TENM2: variants seen among roughly 807,000 people sequenced by gnomAD.
The protein encoded by TENM2 is teneurin-2.
In TENM2, 52 loss-of-function variants were observed where a neutral mutation model predicts 245.2. The observed-to-expected ratio is 0.21, with a 90% CI of 0.17 to 0.27. The LOEUF is 0.27. Among genes scored for constraint, TENM2 ranks in the 10% least tolerant of loss-of-function variants. The probability of loss-of-function intolerance (pLI) is 1.00; values close to 1 mark genes in which losing one functional copy is unlikely to be tolerated. For synonymous variants in TENM2, 1,363 were observed against 1,438.9 expected (o/e 0.95, Z 1.19); for missense variants, 3,046 against 3,666.8 (o/e 0.83, Z 4.37).
chr5:168,034,053 A>G (rs1268789398), intron 5 of TENM2, among the ~76,000 whole-genome samples: 1 of 146,670 alleles, frequency 6.8e-6, no homozygotes, highest in Non-Finnish European at 1.5e-5. Flanking sequence ...GTGTGTGTAT[A>G]TATATATATA....
intron 2 of TENM2, among the ~76,000 whole-genome samples, chr5:167,676,601 G>A (rs1756347002): frequency 6.6e-6 from 1 of 152,090 alleles, no homozygotes. Flanking sequence ...TCACGGTTAA[G>A]GGGTTTCATT....
At chr5:167,645,830 A>T (rs996658760) in intron 2 of TENM2, among the ~76,000 whole-genome samples, 5 of 151,978 alleles carry the variant, frequency 3.3e-5, no homozygotes, top group Non-Finnish European at 5.9e-5. Flanking sequence ...AGGCAAATAT[A>T]TACACACACC....
intron 4 of TENM2, among the ~76,000 whole-genome samples, chr5:167,970,441 A>C (rs1461555222): frequency 6.6e-6 from 1 of 152,254 alleles, no homozygotes; most frequent in African/African-American, 2.4e-5. Flanking sequence ...ATGAGGGCTC[A>C]TGATGAGAAA....
At chr5:167,813,936 A>G (rs1055238689) in intron 2 of TENM2, among the ~76,000 whole-genome samples, 2 of 152,126 alleles carry the variant, frequency 1.3e-5, no homozygotes, top group East Asian at 3.9e-4. Context: ...TAGGGACGGG[A>G]GCATGGGCAT....
intron 4 of TENM2, among the ~76,000 whole-genome samples, chr5:167,959,994 C>T (rs969155315): frequency 6.6e-6 from 1 of 152,206 alleles, no homozygotes; most frequent in Non-Finnish European, 1.5e-5. Flanking sequence ...GTCCACTCCA[C>T]ACCCTATTTG....
intron 2 of TENM2, among the ~76,000 whole-genome samples, chr5:167,769,432 A>T (rs1330636928): frequency 6.6e-6 from 1 of 152,202 alleles, no homozygotes; most frequent in Non-Finnish European, 1.5e-5. Flanking sequence ...TTGGCTAATG[A>T]TAATTTCTGT....
exon 27 of TENM2, chr5:168,248,108 A>G: frequency 6.2e-7 from 1 of 1,614,008 alleles, no homozygotes; most frequent in Non-Finnish European, 8.5e-7. Flanking sequence ...AAACAGCTGC[A>G]GTACACGGCC....
At chr5:167,044,017 T>C in the TENM2 span, among the ~76,000 whole-genome samples, 1 of 114,256 alleles carries the variant, frequency 8.8e-6, no homozygotes, top group East Asian at 2.4e-4. Context: ...AGACTGCATC[T>C]CAAATAAATA....
At position 168,244,640 on chromosome 5, in the gene TENM2, A is replaced by C; in HGVS notation, c.5741A>C (p.Asp1914Ala). The C allele has an allele frequency of 6.4e-7, 1 of 1,571,026 alleles. No individual in the cohort carries two copies. Residue 1914 changes from aspartate (D) to alanine (A), a missense_variant, in exon 26 of 29, where the codon GAC becomes GCC. Physicochemically the swap from Asp to Ala is moderately radical, Grantham distance 126. Around this residue, in one of 2 missense-constraint regions of TENM2, gnomAD observed 2,704 missense variants for 3,331.9 expected, o/e 0.81. Coordinates refer to ENST00000518659, the Ensembl canonical transcript of TENM2. The surrounding 1 kb of genome is among the most constrained non-coding windows in gnomAD (Gnocchi z 4.9). ...CGTGGGGCCATGAGCGAGAGGACAG[A>C]CATCGACAAGCAAGGCCGCATCGTG...
the TENM2 span, among the ~76,000 whole-genome samples, chr5:166,998,365 G>A: frequency 6.6e-6 from 1 of 152,140 alleles, no homozygotes; most frequent in African/African-American, 2.4e-5. Flanking sequence ...GCATAGGAAT[G>A]CCATGATTGT....
chr5:167,435,975 CTTTTTTTTTTTTTTTTTTTT>C (rs1166276249), intron 2 of TENM2, among the ~76,000 whole-genome samples: 1 of 83,138 alleles, frequency 1.2e-5, no homozygotes, highest in Non-Finnish European at 2.5e-5. Flanking sequence ...CTTTTTTTTT[CTTTTTTTTTTTTTTTTTTTT>C]GAGACAGAGT....
At chr5:167,961,532 G>A (rs1408585505) in intron 4 of TENM2, among the ~76,000 whole-genome samples, 1 of 152,208 alleles carries the variant, frequency 6.6e-6, no homozygotes, top group East Asian at 1.9e-4. Context: ...AGGAAGGAAA[G>A]AAAGGGAAGA....
intron 2 of TENM2, among the ~76,000 whole-genome samples, chr5:167,608,499 G>A (rs926339183): frequency 6.6e-6 from 1 of 152,170 alleles, no homozygotes; most frequent in East Asian, 1.9e-4. Flanking sequence ...CCCTTCCCAG[G>A]TCTGACAGCA....
the TENM2 span, among the ~76,000 whole-genome samples, chr5:167,151,334 G>T: frequency 1.6e-3 from 251 of 152,206 alleles, no homozygotes; most frequent in African/African-American, 5.9e-3. Flanking sequence ...CATACCAAGA[G>T]AGAAATCACT....
At chr5:167,914,063 G>T (rs1394215162) in intron 3 of TENM2, among the ~76,000 whole-genome samples, 1 of 152,158 alleles carries the variant, frequency 6.6e-6, no homozygotes, top group African/African-American at 2.4e-5. Flanking sequence ...TGCCTTAAAT[G>T]GGAAGGGGAG....
At chr5:168,045,965 C>T (rs1434087892) in intron 5 of TENM2, among the ~76,000 whole-genome samples, 2 of 152,286 alleles carry the variant, frequency 1.3e-5, no homozygotes, top group Non-Finnish European at 2.9e-5. Context: ...GTAAATGTCA[C>T]TTACTCTTAT....
At chr5:168,211,796 G>A (rs1304093966) in intron 20 of TENM2, 42 bp downstream of exon 22, 22 of 1,256,406 alleles carry the variant, frequency 1.8e-5, no homozygotes, top group Middle Eastern at 2.0e-4. Context: ...GATATGGTTC[G>A]TTTGCTTCCT....
chr5:167,900,082 G>A (rs879273937), intron 3 of TENM2, among the ~76,000 whole-genome samples: 3 of 113,464 alleles, frequency 2.6e-5, no homozygotes, highest in Non-Finnish European at 4.9e-5. Flanking sequence ...GTTTCTTACA[G>A]TATCTTTCTG....
rs113819124 is a variant in TENM2 at position 168,152,928 on chromosome 5, A to C, written c.2423-9683A>C. Among the ~76,000 whole-genome samples the C allele has an allele frequency of 3.3e-5, 5 of 152,290 alleles. 1 individual carries two copies. Among genetic ancestry groups the C allele is most frequent in the African/African-American group, 1.2e-4 (5 of 41,572 alleles). ...ACCAGCTGCTTCATTTGCTTAGAGA[A>C]GTGTCATCCTTCCAGAGGCTTGGGG... On this transcript the variant is annotated intron_variant, in intron 12 of 28. Transcript: ENST00000518659.
Sources: gnomAD v4.1 joint callset for allele counts (sites outside exome capture counted in the v4.1 genomes callset) on GRCh38, gnomAD v4.1.1 for gene constraint, gnomAD v4.1.1 regional missense constraint, Gnocchi (gnomAD v3.1) non-coding constraint, MANE v1.5 for transcripts, NCBI Gene and HGNC (gene_info 2026-07-23, HGNC 2026-07-21) for gene names.